Variants in ATP8B4 observed in about 807,000 individuals in gnomAD.
The protein encoded by ATP8B4 is ATPase phospholipid transporting 8B4 (putative).
A neutral mutation model predicts 145.6 loss-of-function variants in ATP8B4; 133 were observed. The observed-to-expected ratio is 0.91, with a 90% CI of 0.79 to 1.05. The LOEUF (loss-of-function observed/expected upper bound fraction) is 1.05, where lower values mean the gene tolerates loss of function less well. Among genes scored for constraint, ATP8B4 ranks in the 50% least tolerant of loss-of-function variants. The pLI is 0.00. For missense variants in ATP8B4, 1,458 were observed against 1,425.2 expected (o/e 1.02, Z -0.37); for synonymous variants, 507 against 492.9 (o/e 1.03, Z -0.38).
chr15:50,134,177 A>C (rs2044089727), intron 1 of ATP8B4, among the ~76,000 whole-genome samples: 1 of 152,162 alleles, frequency 6.6e-6, no homozygotes, highest in Non-Finnish European at 1.5e-5. Flanking sequence ...ATAGACTGTC[A>C]GTGAGAGGGA....
At chr15:50,180,038 G>A (rs1222054354) in intron 1 of ATP8B4, among the ~76,000 whole-genome samples, 1 of 151,986 alleles carries the variant, frequency 6.6e-6, no homozygotes, top group Non-Finnish European at 1.5e-5. Flanking sequence ...TAATAATACC[G>A]TAAAACGTTC....
intron 15 of ATP8B4, 80 bp from the exon 16 acceptor site, chr15:49,931,387 T>G: frequency 7.6e-7 from 1 of 1,324,364 alleles, no homozygotes; most frequent in Non-Finnish European, 1.0e-6. Flanking sequence ...TCCAACTCAG[T>G]ATTTAACACC....
At chr15:50,044,773 T>C in intron 4 of ATP8B4, 81 bp from the exon 5 acceptor site, 4 of 952,240 alleles carry the variant, frequency 4.2e-6, no homozygotes, top group Non-Finnish European at 6.5e-6. Context: ...AATTTCAAAT[T>C]AATGGGGTTA....
intron 8 of ATP8B4, among the ~76,000 whole-genome samples, chr15:49,998,695 T>A (rs2153557849): frequency 6.6e-6 from 1 of 152,356 alleles, no homozygotes; most frequent in East Asian, 1.9e-4. Context: ...TAGTTGCCTG[T>A]TCACTCTGAT....
At chr15:50,040,384 C>T (rs903971897) in intron 5 of ATP8B4, among the ~76,000 whole-genome samples, 1 of 152,168 alleles carries the variant, frequency 6.6e-6, no homozygotes, top group Non-Finnish European at 1.5e-5. Context: ...AACCATGTTG[C>T]TGCCATAGCT....
chr15:50,021,994 A>G (rs1426318729), intron 6 of ATP8B4, among the ~76,000 whole-genome samples: 2 of 152,210 alleles, frequency 1.3e-5, no homozygotes, highest in Non-Finnish European at 2.9e-5. Flanking sequence ...AGCTAATGAC[A>G]AAGTCTGGAA....
At chr15:50,130,065 CT>C (rs1379376619) in intron 1 of ATP8B4, among the ~76,000 whole-genome samples, 1 of 151,952 alleles carries the variant, frequency 6.6e-6, no homozygotes, top group African/African-American at 2.4e-5. Flanking sequence ...CCAGACTAGA[CT>C]TCTTTGGTTC....
chr15:50,067,631 G>C (rs2053470788), intron 3 of ATP8B4, among the ~76,000 whole-genome samples: 1 of 152,012 alleles, frequency 6.6e-6, no homozygotes, highest in Non-Finnish European at 1.5e-5. Flanking sequence ...CTAGTGTGCT[G>C]GGCTTCTCTT....
intron 2 of ATP8B4, among the ~76,000 whole-genome samples, chr15:50,091,492 T>G (rs1451619463): frequency 6.6e-6 from 1 of 152,112 alleles, no homozygotes; most frequent in Non-Finnish European, 1.5e-5. Flanking sequence ...AAACGTAGAG[T>G]TAGAAAAATG....
intron 12 of ATP8B4, among the ~76,000 whole-genome samples, chr15:49,974,491 G>A (rs1323042214): frequency 1.3e-5 from 2 of 151,504 alleles, no homozygotes; most frequent in African/African-American, 4.9e-5. Context: ...TGCCTCTAGA[G>A]TAGCTGGGAC....
chr15:50,144,904 C>G (rs574348304), intron 1 of ATP8B4, among the ~76,000 whole-genome samples: 6 of 151,644 alleles, frequency 4.0e-5, no homozygotes, highest in African/African-American at 1.5e-4. Flanking sequence ...CACTCCTGCC[C>G]TCTACACTTA....
chr15:50,154,556 A>G (rs547897730), intron 1 of ATP8B4, among the ~76,000 whole-genome samples: 64 of 152,336 alleles, frequency 4.2e-4, no homozygotes, highest in African/African-American at 1.5e-3. Flanking sequence ...TTATATATCA[A>G]TATTTCATAG....
intron 6 of ATP8B4, among the ~76,000 whole-genome samples, chr15:50,023,457 T>C (rs2049747475): frequency 6.6e-6 from 1 of 152,170 alleles, no homozygotes; most frequent in Non-Finnish European, 1.5e-5. Context: ...GTCCTTTGCA[T>C]ATTTGTTTGC....
intron 3 of ATP8B4, among the ~76,000 whole-genome samples, chr15:50,061,308 T>G (rs1211943559): frequency 2.0e-5 from 3 of 152,090 alleles, no homozygotes; most frequent in Non-Finnish European, 4.4e-5. Context: ...TGGAGGAAAT[T>G]CCACAGGAAT....
At chr15:49,893,080 C>G (rs1051616476) in intron 23 of ATP8B4, among the ~76,000 whole-genome samples, 4 of 152,218 alleles carry the variant, frequency 2.6e-5, no homozygotes, top group Non-Finnish European at 5.9e-5. Flanking sequence ...CTCTGGAAAA[C>G]CTGACTTCAA....
chr15:50,129,339 T>A (rs1595629551), intron 1 of ATP8B4, among the ~76,000 whole-genome samples: 1 of 152,070 alleles, frequency 6.6e-6, no homozygotes, highest in African/African-American at 2.4e-5. Context: ...AAAATCAAGG[T>A]GTTGGCAAAG....
At chr15:50,028,923 A>G (rs1476399416) in intron 6 of ATP8B4, among the ~76,000 whole-genome samples, 3 of 152,132 alleles carry the variant, frequency 2.0e-5, no homozygotes, top group Non-Finnish European at 4.4e-5. Flanking sequence ...AAAGCAAATC[A>G]TCACGAACCA....
At chr15:50,073,015 T>C (rs1167127360) in intron 3 of ATP8B4, among the ~76,000 whole-genome samples, 1,362 of 35,784 alleles carry the variant, frequency 0.038, 86 homozygotes, top group African/African-American at 0.13. Context: ...TATATATATA[T>C]ATATACACAC....
intron 25 of ATP8B4, among the ~76,000 whole-genome samples, chr15:49,874,696 T>C (rs566695491): frequency 6.6e-6 from 1 of 152,304 alleles, no homozygotes; most frequent in African/African-American, 2.4e-5. Context: ...GTTAGAAATT[T>C]CAAAAGTTTA....
Sources: allele counts gnomAD v4.1 joint callset (sites outside exome capture counted in the v4.1 genomes callset), GRCh38; gene constraint gnomAD v4.1.1; transcripts MANE v1.5; gene names NCBI Gene and HGNC (gene_info 2026-07-23, HGNC 2026-07-21).